GTF2A1L: variants seen among roughly 807,000 people sequenced by gnomAD.
The protein encoded by GTF2A1L is general transcription factor IIA subunit 1 like.
A neutral mutation model predicts 49.7 loss-of-function variants in GTF2A1L; 48 were observed. The ratio of observed to expected loss-of-function variants is 0.97; its 90% CI spans 0.77 to 1.23. GTF2A1L has a LOEUF of 1.23. GTF2A1L is among the 50% of genes most tolerant of loss of function. The probability of loss-of-function intolerance (pLI) is 0.00; values close to 1 mark genes in which losing one functional copy is unlikely to be tolerated. For synonymous variants in GTF2A1L, 246 were observed against 193.5 expected (o/e 1.27, Z -2.25); for missense variants, 736 against 564.8 (o/e 1.30, Z -3.07).
intron 6 of GTF2A1L, among the ~76,000 whole-genome samples, chr2:48,667,773 T>C (rs946412434): frequency 6.6e-6 from 1 of 152,178 alleles, no homozygotes; most frequent in Non-Finnish European, 1.5e-5. Flanking sequence ...ATTGGTAATA[T>C]TCATATGGGT....
intron 6 of GTF2A1L, among the ~76,000 whole-genome samples, chr2:48,669,513 G>C (rs1679050353): frequency 6.6e-6 from 1 of 151,942 alleles, no homozygotes; most frequent in Non-Finnish European, 1.5e-5. Flanking sequence ...ATTGTAAGTG[G>C]GTTACTTTAT....
chr2:48,666,523 A>G (rs544982721), intron 6 of GTF2A1L, among the ~76,000 whole-genome samples: 1 of 152,046 alleles, frequency 6.6e-6, no homozygotes, highest in South Asian at 2.1e-4. Context: ...GATAATCTCT[A>G]TCTTTTAAAT....
At chr2:48,671,024 G>C (rs1311807124) in intron 7 of GTF2A1L, among the ~76,000 whole-genome samples, 1 of 151,990 alleles carries the variant, frequency 6.6e-6, no homozygotes, top group Non-Finnish European at 1.5e-5. Context: ...GTTTCACCAT[G>C]CTGGCCAAGC....
At chr2:48,639,125 C>A (rs1347458917) in intron 3 of GTF2A1L, among the ~76,000 whole-genome samples, 1 of 152,138 alleles carries the variant, frequency 6.6e-6, no homozygotes, top group African/African-American at 2.4e-5. Context: ...GCCATACTAC[C>A]CAAAGCAATG....
At chr2:48,623,775 G>T (rs1003122737) in intron 3 of GTF2A1L, among the ~76,000 whole-genome samples, 16 of 152,274 alleles carry the variant, frequency 1.1e-4, no homozygotes, top group Non-Finnish European at 2.1e-4. Flanking sequence ...CATGGGTGTT[G>T]CTGGGGCCAT....
At chr2:48,622,137 T>G (rs1572692018) in intron 3 of GTF2A1L, among the ~76,000 whole-genome samples, 1 of 152,342 alleles carries the variant, frequency 6.6e-6, no homozygotes, top group East Asian at 1.9e-4. Context: ...AAAATTCACA[T>G]GAAAATTACA....
In GTF2A1L at chr2:48,621,151, T is replaced by A; in HGVS notation, c.124-16T>A. On this transcript the variant is annotated splice_polypyrimidine_tract_variant and intron_variant, in intron 2 of 8. Coordinates refer to ENST00000403751, the MANE Select transcript of GTF2A1L (RefSeq NM_006872.5). The stretch of plus-strand genomic sequence containing the variant: ...ATATATTTTTTTAAAGTAAACTTTT[T>A]TTTTCCCCTCTGCAGCTCTGGGAAA... 1 of 1,595,184 alleles carries A rather than the reference T, an allele frequency of 6.3e-7. No homozygotes were observed. Among genetic ancestry groups the A allele is most frequent in the Non-Finnish European group, 8.5e-7 (1 of 1,175,318 alleles).
chr2:48,635,616 G>A (rs1040398942), intron 3 of GTF2A1L, among the ~76,000 whole-genome samples: 1 of 152,076 alleles, frequency 6.6e-6, no homozygotes, highest in Non-Finnish European at 1.5e-5. Flanking sequence ...CTTGCAATAG[G>A]GAAGAGTATA....
At chr2:48,660,299 A>C (rs1474764062) in intron 6 of GTF2A1L, among the ~76,000 whole-genome samples, 2 of 152,108 alleles carry the variant, frequency 1.3e-5, no homozygotes, top group African/African-American at 4.8e-5. Flanking sequence ...TCATAAAATA[A>C]GTTTGGAGAT....
In GTF2A1L at chr2:48,675,761, C is replaced by T. The variant is rs144974783; in HGVS notation, c.1330-3574C>T. ...GTTTAGCAGACTTGCTTATAGCTGA[C>T]TTTATCCCTTAGATGCTATACAATG... is the stretch of plus-strand genomic sequence containing the variant. On this transcript the variant is annotated intron_variant, in intron 8 of 8. Coordinates refer to ENST00000403751, the MANE Select transcript of GTF2A1L (RefSeq NM_006872.5). Among the ~76,000 whole-genome samples the T allele has an allele frequency of 1.1e-3, 171 of 151,936 alleles. 1 individual carries two copies. Among genetic ancestry groups the T allele is most frequent in the African/African-American group, 3.9e-3 (163 of 41,496 alleles).
intron 6 of GTF2A1L, among the ~76,000 whole-genome samples, chr2:48,652,835 C>T (rs1015680483): frequency 4.6e-5 from 7 of 150,692 alleles, no homozygotes; most frequent in Non-Finnish European, 1.0e-4. Context: ...GCTGGGATTA[C>T]AGGCCTATGC....
rs527716702 is a variant in GTF2A1L, at chr2:48,630,126, A to G, written c.247+8836A>G. Among the ~76,000 whole-genome samples, 108 of 144,420 alleles carry G rather than the reference A, an allele frequency of 7.5e-4. 17 individuals carry two copies. The highest frequency in any genetic ancestry group is 1.3e-3 in the Non-Finnish European group (86 of 64,094). 94.7% of individuals were successfully genotyped at this position (144,420 alleles called of 152,430 possible). A position where few individuals can be genotyped will look rare whatever the true frequency, so the allele number is the denominator to read the frequency against. On this transcript the variant is annotated intron_variant, in intron 3 of 8. Coordinates refer to ENST00000403751, the MANE Select transcript of GTF2A1L (RefSeq NM_006872.5). Reference sequence around the variant, plus strand: ...TCCTTGTTGGTTCCATATGAATTTTAGAACAGTTTTTTTCTAGTTCTGTGA... The same window carrying G: ...TCCTTGTTGGTTCCATATGAATTTTGGAACAGTTTTTTTCTAGTTCTGTGA...
chr2:48,670,661 G>T (rs894550579), intron 7 of GTF2A1L, among the ~76,000 whole-genome samples: 3 of 152,122 alleles, frequency 2.0e-5, no homozygotes, highest in African/African-American at 7.2e-5. Flanking sequence ...TTATATATGT[G>T]CCAGGCATCA....
chr2:48,640,850 T>C (rs1344753246), intron 3 of GTF2A1L, among the ~76,000 whole-genome samples: 4 of 152,118 alleles, frequency 2.6e-5, no homozygotes, highest in African/African-American at 9.6e-5. Flanking sequence ...AAGGTATAAC[T>C]TGTGAGCATA....
At chr2:48,669,333 A>G (rs1192002400) in intron 6 of GTF2A1L, among the ~76,000 whole-genome samples, 1 of 152,046 alleles carries the variant, frequency 6.6e-6, no homozygotes, top group Non-Finnish European at 1.5e-5. Context: ...TTACATTTTT[A>G]TTTATCCATT....
chr2:48,679,269 C>T (rs1226279799), intron 8 of GTF2A1L, 66 bp from the exon 9 acceptor site: 1 of 1,562,456 alleles, frequency 6.4e-7, no homozygotes, highest in Non-Finnish European at 8.6e-7. Context: ...TTTACTGTAG[C>T]AGAGAAATGC....
At chr2:48,656,232 T>C (rs1436933586) in intron 6 of GTF2A1L, among the ~76,000 whole-genome samples, 1 of 152,156 alleles carries the variant, frequency 6.6e-6, no homozygotes, top group Non-Finnish European at 1.5e-5. Context: ...ACAATTCTAC[T>C]TTTAATCTTA....
intron 6 of GTF2A1L, among the ~76,000 whole-genome samples, chr2:48,660,801 C>T (rs922887587): frequency 1.4e-4 from 22 of 151,922 alleles, no homozygotes; most frequent in African/African-American, 3.6e-4. Flanking sequence ...CTACTATGCC[C>T]GGCTAATTTT....
rs556505518 is a variant in GTF2A1L at position 48,652,576 on chromosome 2, C to T, written c.978+5534C>T. On this transcript the variant is annotated intron_variant, in intron 6 of 8. Coordinates refer to ENST00000403751, the MANE Select transcript of GTF2A1L (RefSeq NM_006872.5). ...GTTGCAGTGAGCCAAGATCGTCCCA[C>T]TGCACTCCAGCCTGGGCAACAGAGC... Among the ~76,000 whole-genome samples the T allele has an allele frequency of 8.9e-3, 1,356 of 151,682 alleles. 19 individuals carry two copies. The highest frequency in any genetic ancestry group is 0.031 in the African/African-American group (1,264 of 41,370).
Sources: allele counts gnomAD v4.1 joint callset (sites outside exome capture counted in the v4.1 genomes callset), GRCh38; gene constraint gnomAD v4.1.1; transcripts MANE v1.5; gene names NCBI Gene and HGNC (gene_info 2026-07-23, HGNC 2026-07-21).